Variants in PDE7B observed in about 807,000 individuals in gnomAD.
The protein encoded by PDE7B is phosphodiesterase 7B.
PDE7B carries 29 observed loss-of-function variants against 56.2 expected under a neutral mutation model. The ratio of observed to expected loss-of-function variants is 0.52; its 90% CI spans 0.38 to 0.70. PDE7B has a LOEUF of 0.70. PDE7B is among the 30% of genes least tolerant of loss of function. PDE7B has a pLI of 0.00. For missense variants in PDE7B, 490 were observed against 565.0 expected, an observed-to-expected ratio of 0.87 and a Z score of 1.35; for synonymous variants, 197 against 196.9, an observed-to-expected ratio of 1.00 and a Z score of 0.00.
intron 1 of PDE7B, among the ~76,000 whole-genome samples, chr6:135,876,318 G>A (rs889443291): frequency 8.5e-5 from 13 of 152,170 alleles, no homozygotes; most frequent in African/African-American, 2.4e-4. Context: ...CTAACTGCAC[G>A]CCTGGTAGCA....
intron 2 of PDE7B, among the ~76,000 whole-genome samples, chr6:135,971,292 C>A (rs1056737841): frequency 1.3e-5 from 2 of 152,110 alleles, no homozygotes; most frequent in African/African-American, 2.4e-5. Flanking sequence ...CTGAAGGAAC[C>A]CTCAGAAGGA....
chr6:135,958,389 A>C (rs1774838413), intron 2 of PDE7B, among the ~76,000 whole-genome samples: 2 of 152,242 alleles, frequency 1.3e-5, no homozygotes, highest in Non-Finnish European at 2.9e-5. Context: ...TCCAGAGACA[A>C]TGTCATTTTT....
chr6:136,020,659 C>T (rs1020428153), intron 2 of PDE7B, among the ~76,000 whole-genome samples: 1 of 152,062 alleles, frequency 6.6e-6, no homozygotes, highest in South Asian at 2.1e-4. Context: ...TTCTGTTGTC[C>T]ATATAACACT....
At chr6:136,168,513 T>G (rs763447862) in intron 8 of PDE7B, among the ~76,000 whole-genome samples, 8 of 152,100 alleles carry the variant, frequency 5.3e-5, no homozygotes, top group Non-Finnish European at 1.0e-4. Context: ...TATTTTTGTT[T>G]CAACCAGTGA....
intron 1 of PDE7B, among the ~76,000 whole-genome samples, chr6:135,857,825 G>A (rs1444318083): frequency 6.6e-6 from 1 of 152,108 alleles, no homozygotes; most frequent in African/African-American, 2.4e-5. Context: ...GTATTAAGTG[G>A]AGGGGGGAAG....
chr6:136,186,955 C>T (rs1004944353), intron 11 of PDE7B, 81 bp from the exon 12 acceptor site: 10 of 788,706 alleles, frequency 1.3e-5, no homozygotes, highest in East Asian at 9.8e-5. Context: ...CTTCTTCCGA[C>T]GAGGTCATTA....
chr6:135,990,676 A>G (rs1481799084), intron 2 of PDE7B, among the ~76,000 whole-genome samples: 1 of 152,252 alleles, frequency 6.6e-6, no homozygotes, highest in Non-Finnish European at 1.5e-5. Flanking sequence ...TATGTTTGAA[A>G]ATTGCTTTAA....
intron 2 of PDE7B, among the ~76,000 whole-genome samples, chr6:135,966,626 C>T (rs1303300310): frequency 6.6e-6 from 1 of 152,154 alleles, no homozygotes; most frequent in African/African-American, 2.4e-5. Context: ...AGACATCAGG[C>T]TTTGGCCTCT....
chr6:136,147,144 AAAAT>A (rs1778427039), intron 3 of PDE7B, among the ~76,000 whole-genome samples: 1 of 137,950 alleles, frequency 7.2e-6, no homozygotes, highest in Non-Finnish European at 1.5e-5. Flanking sequence ...CCAGTCTCAA[AAAAT>A]AAATAAGTAA....
chr6:136,185,927 A>G (rs748931193), intron 11 of PDE7B, among the ~76,000 whole-genome samples: 6 of 152,150 alleles, frequency 3.9e-5, no homozygotes, highest in Non-Finnish European at 5.9e-5. Flanking sequence ...GTTTTTTCCA[A>G]CACAAAAATT....
chr6:136,037,667 G>C, intron 2 of PDE7B: 2 of 985,444 alleles, frequency 2.0e-6, no homozygotes, highest in Non-Finnish European at 2.4e-6. Context: ...CCACAGGGGT[G>C]ACTCCTCACC....
intron 1 of PDE7B, among the ~76,000 whole-genome samples, chr6:135,855,892 G>A (rs975655711): frequency 6.0e-5 from 9 of 151,228 alleles, no homozygotes; most frequent in African/African-American, 1.5e-4. Context: ...ATGGTGGCTC[G>A]GAACTTCAAG....
chr6:136,174,418 T>G (rs1453333227), intron 9 of PDE7B, among the ~76,000 whole-genome samples: 2 of 152,210 alleles, frequency 1.3e-5, no homozygotes, highest in Admixed American at 1.3e-4. Flanking sequence ...TCTCTTGCAC[T>G]TTAAACAGAA....
At chr6:136,151,719 A>G (rs1778519456) in intron 6 of PDE7B, among the ~76,000 whole-genome samples, 1 of 152,240 alleles carries the variant, frequency 6.6e-6, no homozygotes, top group Non-Finnish European at 1.5e-5. Context: ...GCGTATCACA[A>G]GGTCAGGAGT....
intron 2 of PDE7B, among the ~76,000 whole-genome samples, chr6:135,957,662 T>G (rs2128200922): frequency 6.6e-6 from 1 of 152,318 alleles, no homozygotes; most frequent in South Asian, 2.1e-4. Flanking sequence ...GATTTAATTT[T>G]CTAGCACCCT....
At chr6:136,043,812 G>T (rs140434003) in intron 2 of PDE7B, 1 of 152,148 alleles carries the variant, frequency 6.6e-6, no homozygotes, top group Non-Finnish European at 1.5e-5. Flanking sequence ...CTGTGATTTA[G>T]ATCAACAGTG....
At chr6:135,890,353 GA>G (rs1356328451) in intron 1 of PDE7B, among the ~76,000 whole-genome samples, 3 of 152,146 alleles carry the variant, frequency 2.0e-5, no homozygotes, top group African/African-American at 4.8e-5. Flanking sequence ...ATGGTACTTA[GA>G]GCCACATGCA....
At chr6:135,989,784 G>A (rs1170645825) in intron 2 of PDE7B, among the ~76,000 whole-genome samples, 1 of 152,082 alleles carries the variant, frequency 6.6e-6, no homozygotes, top group Non-Finnish European at 1.5e-5. Context: ...GGAGTTAACT[G>A]CCCACTTGGT....
At position 136,193,536 on chromosome 6, in the gene PDE7B, A is replaced by G. The variant is rs1343632680; in HGVS notation, c.*1696A>G. The stretch of plus-strand genomic sequence containing the variant: ...TTACAGCATTCTTCTCTAGGCTGCT[A>G]AACGCTGTGCATTGAACCTTTTCTT... On this transcript the variant is annotated 3_prime_UTR_variant, in exon 13 of 13. Transcript: ENST00000308191. 6.6e-6 allele frequency: 1 copy of G among 152,264 alleles called. No homozygotes were observed. Among genetic ancestry groups the G allele is most frequent in the Non-Finnish European group, 1.5e-5 (1 of 68,046 alleles). 9.4% of individuals were successfully genotyped at this position (152,264 alleles called of 1,614,324 possible). A position where few individuals can be genotyped will look rare whatever the true frequency, so the allele number is the denominator to read the frequency against.
Sources: gnomAD v4.1 joint callset for allele counts (sites outside exome capture counted in the v4.1 genomes callset) on GRCh38, gnomAD v4.1.1 for gene constraint, MANE v1.5 for transcripts, NCBI Gene and HGNC (gene_info 2026-07-23, HGNC 2026-07-21) for gene names.